The following FSTL5 variants were observed in gnomAD, a reference collection of about 807,000 sequenced individuals.
FSTL5 encodes the protein follistatin-related protein 5.
A neutral mutation model predicts 89.1 loss-of-function variants in FSTL5; 62 were observed. The ratio of observed to expected loss-of-function variants is 0.70; its 90% CI spans 0.57 to 0.86. The LOEUF (loss-of-function observed/expected upper bound fraction) is 0.86. Among genes scored for constraint, FSTL5 ranks in the 40% least tolerant of loss-of-function variants. The pLI is 0.00. For missense variants in FSTL5, 1,057 were observed against 1,001.6 expected, an observed-to-expected ratio of 1.06 and a Z score of -0.75; for synonymous variants, 383 against 346.2, an observed-to-expected ratio of 1.11 and a Z score of -1.18.
chr4:161,472,782 C>G (rs867533749), intron 13 of FSTL5, among the ~76,000 whole-genome samples: 32 of 150,950 alleles, frequency 2.1e-4, no homozygotes, highest in African/African-American at 7.6e-4. Context: ...TGGAGTGCAG[C>G]GGCATGATCT....
chr4:161,937,330 G>A (rs1350598054), intron 3 of FSTL5, among the ~76,000 whole-genome samples: 1 of 151,994 alleles, frequency 6.6e-6, no homozygotes, highest in East Asian at 1.9e-4. Flanking sequence ...AGGTCCAGAT[G>A]GAGAGGGAAG....
At chr4:161,746,847 G>T (rs1318364976) in intron 6 of FSTL5, among the ~76,000 whole-genome samples, 1 of 151,942 alleles carries the variant, frequency 6.6e-6, no homozygotes, top group African/African-American at 2.4e-5. Flanking sequence ...TTTCTAGTTT[G>T]CACTTTTGTC....
intron 3 of FSTL5, among the ~76,000 whole-genome samples, chr4:162,024,981 G>A (rs1040357906): frequency 1.3e-5 from 2 of 151,844 alleles, no homozygotes; most frequent in Middle Eastern, 3.2e-3. Flanking sequence ...TTATTATAAC[G>A]TCAAATTCGT....
At chr4:161,907,359 G>A (rs964609389) in intron 4 of FSTL5, among the ~76,000 whole-genome samples, 2 of 151,938 alleles carry the variant, frequency 1.3e-5, no homozygotes, top group Non-Finnish European at 2.9e-5. Context: ...TAACACACAC[G>A]ATTTTATTTT....
intron 4 of FSTL5, among the ~76,000 whole-genome samples, chr4:161,913,693 T>C (rs958966281): frequency 1.3e-5 from 2 of 152,120 alleles, no homozygotes; most frequent in South Asian, 4.1e-4. Context: ...GGAACCAGCG[T>C]GACCTGGATG....
At chr4:161,458,211 T>G (rs1289954754) in intron 14 of FSTL5, among the ~76,000 whole-genome samples, 1 of 152,178 alleles carries the variant, frequency 6.6e-6, no homozygotes, top group East Asian at 1.9e-4. Flanking sequence ...GCTGCCCAGG[T>G]AGCCAACTCA....
intron 15 of FSTL5, chr4:161,387,916 C>A (rs989883300): frequency 1.3e-4 from 19 of 151,974 alleles, no homozygotes; most frequent in African/African-American, 4.6e-4. Flanking sequence ...TGTATAGCTA[C>A]TCCTTTATAA....
intron 4 of FSTL5, among the ~76,000 whole-genome samples, chr4:161,847,433 G>C (rs1731404922): frequency 6.6e-6 from 1 of 152,086 alleles, no homozygotes; most frequent in Non-Finnish European, 1.5e-5. Context: ...TAAGTAATTT[G>C]CTCAAGGTCA....
Position 161,656,452 on chromosome 4 carries a change from A to T in FSTL5, c.770T>A (p.Ile257Asn). The T allele has an allele frequency of 6.2e-7, 1 of 1,605,038 alleles. No individual in the cohort carries two copies. Among genetic ancestry groups the T allele is most frequent in the East Asian group, 2.2e-5 (1 of 44,468 alleles). ...LSLPEDQKLS[I>N]TAATVGQSAV... The stretch of plus-strand genomic sequence containing the variant: ...ACTTTGTCCCACAGTTGCTGCAGTG[A>T]TGCTTAGTTTCTGATCTTCTGGCAG... The change falls in exon 7 of 16, where the codon ATC (isoleucine) becomes AAC (asparagine). Residue 257 changes from isoleucine to asparagine, a missense_variant. Coordinates refer to ENST00000306100, the MANE Select transcript of FSTL5 (RefSeq NM_020116.5).
intron 3 of FSTL5, among the ~76,000 whole-genome samples, chr4:161,953,364 T>G (rs997894057): frequency 6.6e-6 from 1 of 151,612 alleles, no homozygotes; most frequent in Admixed American, 6.6e-5. Context: ...AAATGTATAC[T>G]TTTAATTTTA....
At chr4:161,630,576 C>G (rs1735470215) in intron 7 of FSTL5, among the ~76,000 whole-genome samples, 1 of 151,986 alleles carries the variant, frequency 6.6e-6, no homozygotes, top group Non-Finnish European at 1.5e-5. Flanking sequence ...TTTGAAGGAT[C>G]AGAAAAAGAG....
chr4:161,585,114 A>AG, intron 8 of FSTL5, among the ~76,000 whole-genome samples: 2 of 152,194 alleles, frequency 1.3e-5, no homozygotes, highest in East Asian at 3.9e-4. Flanking sequence ...CATTCATGGG[A>AG]GGGGATGAAA....
chr4:161,505,438 G>T (rs1209412716), intron 11 of FSTL5, among the ~76,000 whole-genome samples: 2 of 152,122 alleles, frequency 1.3e-5, no homozygotes, highest in African/African-American at 4.8e-5. Context: ...TTTAGGCCCT[G>T]TTAATCCAGG....
At chr4:161,916,356 T>C (rs753536471) in intron 4 of FSTL5, among the ~76,000 whole-genome samples, 4 of 152,162 alleles carry the variant, frequency 2.6e-5, no homozygotes, top group Admixed American at 1.3e-4. Flanking sequence ...CTGAGTAGTA[T>C]AGATGTTTTG....
intron 15 of FSTL5, among the ~76,000 whole-genome samples, chr4:161,438,831 T>A (rs1022532466): frequency 7.9e-5 from 12 of 152,060 alleles, no homozygotes; most frequent in Non-Finnish European, 2.9e-5. Context: ...TCTGATATAA[T>A]CGATTAGAAA....
chr4:161,472,272 T>C (rs1578860109), intron 13 of FSTL5, among the ~76,000 whole-genome samples: 1 of 152,190 alleles, frequency 6.6e-6, no homozygotes. Context: ...CCACCGCACC[T>C]GGCCATTTTC....
At chr4:162,048,703 C>T (rs1738285983) in intron 2 of FSTL5, among the ~76,000 whole-genome samples, 2 of 151,812 alleles carry the variant, frequency 1.3e-5, no homozygotes, top group Non-Finnish European at 2.9e-5. Context: ...AGAATAAAGT[C>T]ATCAAGAAAA....
At chr4:161,542,430 C>T in intron 9 of FSTL5, 102 bp downstream of exon 9, 3 of 646,356 alleles carry the variant, frequency 4.6e-6, no homozygotes, top group Non-Finnish European at 7.1e-6. Context: ...ATTCTGTTGC[C>T]ACCAACACTC....
chr4:161,957,170 G>A (rs546043658), intron 3 of FSTL5, among the ~76,000 whole-genome samples: 81 of 151,762 alleles, frequency 5.3e-4, no homozygotes, highest in Non-Finnish European at 8.7e-4. Context: ...AAAATACATG[G>A]TTGGGATTTA....
Sources: allele counts gnomAD v4.1 joint callset (sites outside exome capture counted in the v4.1 genomes callset), GRCh38; gene constraint gnomAD v4.1.1; transcripts MANE v1.5; gene names NCBI Gene and HGNC (gene_info 2026-07-23, HGNC 2026-07-21).